Variants in FAM135B observed in about 807,000 individuals in gnomAD.
FAM135B encodes the protein protein FAM135B.
A neutral mutation model predicts 127.7 loss-of-function variants in FAM135B; 43 were observed. The observed-to-expected ratio is 0.34, with a 90% CI of 0.26 to 0.43. FAM135B has a LOEUF of 0.43. Ranked by LOEUF, FAM135B falls within the 20% of genes least tolerant of loss-of-function variation. FAM135B has a pLI of 1.00. For synonymous variants in FAM135B, 670 were observed against 665.1 expected, an observed-to-expected ratio of 1.01 and a Z score of -0.11; for missense variants, 1,558 against 1,725.6, an observed-to-expected ratio of 0.90 and a Z score of 1.72.
chr8:138,484,923 A>C (rs1324934739), intron 1 of FAM135B, among the ~76,000 whole-genome samples: 2 of 152,208 alleles, frequency 1.3e-5, no homozygotes, highest in Non-Finnish European at 2.9e-5. Context: ...TCCTTTAAAC[A>C]AACTAAAAAT....
chr8:138,267,688 A>G (rs190327540), intron 3 of FAM135B, among the ~76,000 whole-genome samples: 4 of 152,238 alleles, frequency 2.6e-5, no homozygotes, highest in Admixed American at 2.6e-4. Context: ...GTCACCTCCC[A>G]ATGCAGTCAC....
rs368716781 is a variant in FAM135B, at chr8:138,265,076, C to T, written c.297+627G>A. Among the ~76,000 whole-genome samples, 17 of 152,204 alleles carry T rather than the reference C, an allele frequency of 1.1e-4. No homozygotes were observed. In the East Asian group the frequency reaches 1.4e-3, roughly 12 times the overall value. On this transcript the variant is annotated intron_variant, in intron 4 of 19. Transcript: ENST00000395297. ...TCAATCAAGTTTCCAACTAATAAAG[C>T]GAGCTCCCCAAGGCCTCGGGGCTTG...
rs747163573 is a variant in FAM135B, at chr8:138,141,211, G to A, written c.3777C>T (p.Thr1259=). ...GAAGAATCTTACCTGTACTAACCAGGGTGCTGTTGTTGTACAGGGTTCCCA... is the reference window on the plus strand; with the variant it reads ...GAAGAATCTTACCTGTACTAACCAGAGTGCTGTTGTTGTACAGGGTTCCCA... The part of the protein sequence containing the change: ...PHLGTLYNNS[T]LVSTGLWLMQ... Residue 1259 remains threonine (T), a synonymous_variant, in exon 17 of 20, where the codon ACC becomes ACT. Coordinates refer to ENST00000395297, the MANE Select transcript of FAM135B (RefSeq NM_015912.4). This position sits in a 1 kb window ranked among gnomAD's most constrained non-coding sequence, Gnocchi z 4.7. The A allele has an allele frequency of 6.2e-7, 1 of 1,614,088 alleles. No individual in the cohort carries two copies. Among genetic ancestry groups the A allele is most frequent in the Non-Finnish European group, 8.5e-7 (1 of 1,180,018 alleles).
chr8:138,393,627 A>C (rs1266899253), intron 1 of FAM135B, among the ~76,000 whole-genome samples: 1 of 152,098 alleles, frequency 6.6e-6, no homozygotes, highest in Admixed American at 6.5e-5. Flanking sequence ...TGTCAATAAT[A>C]ATGCTGAATG....
intron 1 of FAM135B, among the ~76,000 whole-genome samples, chr8:138,401,174 G>A (rs1234297990): frequency 2.0e-5 from 3 of 152,156 alleles, no homozygotes; most frequent in East Asian, 1.9e-4. Flanking sequence ...CTAGATTGCA[G>A]GACTTCTCAG....
At chr8:138,260,508 T>G (rs1326129183) in intron 4 of FAM135B, among the ~76,000 whole-genome samples, 1 of 152,158 alleles carries the variant, frequency 6.6e-6, no homozygotes, top group Non-Finnish European at 1.5e-5. Context: ...CTCCTTTCAC[T>G]CCCTAGTAGA....
At chr8:138,146,728 T>G (rs944741641) in intron 14 of FAM135B, among the ~76,000 whole-genome samples, 1 of 152,110 alleles carries the variant, frequency 6.6e-6, no homozygotes, top group South Asian at 2.1e-4. Context: ...TACGACAGAA[T>G]AAGGTTTATA....
intron 7 of FAM135B, among the ~76,000 whole-genome samples, chr8:138,211,083 T>C (rs1818105505): frequency 6.6e-6 from 1 of 152,190 alleles, no homozygotes; most frequent in Non-Finnish European, 1.5e-5. Context: ...TGCTCCGTGC[T>C]AATGTTAGCT....
intron 8 of FAM135B, among the ~76,000 whole-genome samples, chr8:138,196,726 C>G (rs547932944): frequency 1.3e-5 from 2 of 152,082 alleles, no homozygotes; most frequent in Non-Finnish European, 2.9e-5. Flanking sequence ...CGCCTCTGTT[C>G]TAGAGTCAAT....
Position 138,152,025 on chromosome 8 carries a change from C to G in FAM135B, c.2450G>C (p.Gly817Ala), listed in dbSNP as rs2130752945. ...TGCTCCAGCATCTGTTCCAGAGTCA[C>G]CACAAAGTTGAGAGCAAGATCCTGG... is the stretch of plus-strand genomic sequence containing the variant. Reference protein sequence around the residue: ...GSPGSCSQLCGDSGTDAGADH... With the variant: ...GSPGSCSQLCADSGTDAGADH... The change falls in exon 13 of 20, where the codon GGT becomes GCT. Residue 817 changes from glycine (G) to alanine (A), a missense_variant. Transcript: ENST00000395297. 6.2e-7 allele frequency: 1 copy of G among 1,614,072 alleles called. No homozygotes were observed. Among genetic ancestry groups the G allele is most frequent in the Non-Finnish European group, 8.5e-7 (1 of 1,180,038 alleles).
intron 1 of FAM135B, among the ~76,000 whole-genome samples, chr8:138,488,650 G>T (rs952980691): frequency 6.6e-6 from 1 of 151,962 alleles, no homozygotes; most frequent in African/African-American, 2.4e-5. Context: ...TTTTTTGTGT[G>T]TGAGTGTTTT....
rs1166235927 is a variant in FAM135B, at chr8:138,142,285, C to CTTTTTTTTTT, written c.3638+726_3638+727insAAAAAAAAAA. The stretch of plus-strand genomic sequence containing the variant: ...TTGGGGTGGGCAACTCATTCTGCTT[C>CTTTTTTTTTT]TTCTTTTTTTTTTTTTTTTTTTTTT... On this transcript the variant is annotated intron_variant, in intron 16 of 19. Transcript: ENST00000395297. Among the ~76,000 whole-genome samples, 3 of 99,934 alleles carry CTTTTTTTTTT rather than the reference C, an allele frequency of 3.0e-5. 1 individual carries two copies. The highest frequency in any genetic ancestry group is 4.0e-5 in the Non-Finnish European group (2 of 50,298). 65.6% of individuals were successfully genotyped at this position (99,934 alleles called of 152,430 possible). A position where few individuals can be genotyped will look rare whatever the true frequency, so the allele number is the denominator to read the frequency against.
intron 2 of FAM135B, among the ~76,000 whole-genome samples, chr8:138,325,731 T>C (rs1031065596): frequency 2.6e-5 from 4 of 152,178 alleles, no homozygotes; most frequent in African/African-American, 9.6e-5. Context: ...TTCTCGTTCA[T>C]ATTAAAACAA....
chr8:138,447,869 A>G (rs886594115), intron 1 of FAM135B, among the ~76,000 whole-genome samples: 6 of 151,924 alleles, frequency 3.9e-5, no homozygotes, highest in Non-Finnish European at 8.8e-5. Context: ...GGGTAAAGGG[A>G]CAGAGTGCTG....
chr8:138,145,750 C>T (rs1441246967), intron 15 of FAM135B, among the ~76,000 whole-genome samples: 2 of 152,306 alleles, frequency 1.3e-5, no homozygotes, highest in African/African-American at 2.4e-5. Context: ...TCCCGTCAAC[C>T]GATACACATG....
At chr8:138,438,490 GA>G (rs961932535) in intron 1 of FAM135B, 4 of 151,516 alleles carry the variant, frequency 2.6e-5, no homozygotes, top group Non-Finnish European at 5.9e-5. Flanking sequence ...CTCTATCAAA[GA>G]AAAAAACAGA....
At chr8:138,349,559 T>C (rs1829644329) in intron 2 of FAM135B, among the ~76,000 whole-genome samples, 2 of 152,212 alleles carry the variant, frequency 1.3e-5, no homozygotes, top group Non-Finnish European at 2.9e-5. Flanking sequence ...TTTCACTTTT[T>C]CTTTCTTTCT....
intron 9 of FAM135B, among the ~76,000 whole-genome samples, chr8:138,181,805 G>A (rs987582798): frequency 1.3e-5 from 2 of 152,110 alleles, no homozygotes; most frequent in African/African-American, 4.8e-5. Flanking sequence ...TGCTCCGCGT[G>A]TAAGTCTAAG....
Position 138,132,606 on chromosome 8 carries a change from T to C in FAM135B, c.4208A>G (p.Asn1403Ser), listed in dbSNP as rs759290697. Residue 1403 changes from asparagine to serine, a missense_variant, in exon 20 of 20, where the codon AAC becomes AGC. By Grantham distance (46) the Asn-to-Ser change is conservative. This residue lies in a region of FAM135B where 194 missense variants were observed against 333.8 expected (regional missense o/e 0.58). Transcript: ENST00000395297. This position sits in a 1 kb window ranked among gnomAD's most constrained non-coding sequence, Gnocchi z 4.5. Reference protein sequence around the residue: ...LEKFFLVAGLNYFK With the variant: ...LEKFFLVAGLSYFK Reference sequence around the variant, plus strand: ...CCCTCAAAGCCACTACTTGAAGTAGTTGAGTCCTGCCACCAAGAAAAACTT... The same window carrying C: ...CCCTCAAAGCCACTACTTGAAGTAGCTGAGTCCTGCCACCAAGAAAAACTT... 6.2e-7 allele frequency: 1 copy of C among 1,614,076 alleles called. No individual in the cohort carries two copies. The highest frequency in any genetic ancestry group is 8.5e-7 in the Non-Finnish European group (1 of 1,179,948).
Sources: allele counts gnomAD v4.1 joint callset (sites outside exome capture counted in the v4.1 genomes callset), GRCh38; gene constraint gnomAD v4.1.1; regional missense constraint gnomAD v4.1.1; non-coding constraint Gnocchi (gnomAD v3.1); transcripts MANE v1.5; gene names NCBI Gene and HGNC (gene_info 2026-07-23, HGNC 2026-07-21).